HABP2: variants seen among roughly 807,000 people sequenced by gnomAD.
HABP2 encodes the protein hyaluronan binding protein 2.
A neutral mutation model predicts 66.5 loss-of-function variants in HABP2; 65 were observed. The observed-to-expected ratio is 0.98, with a 90% confidence interval of 0.80 to 1.20. HABP2 has a LOEUF of 1.20. HABP2 is among the 50% of genes most tolerant of loss of function. The pLI, the probability that HABP2 is intolerant of heterozygous loss-of-function variation, is 0.00. For missense variants in HABP2, 786 were observed against 691.0 expected, an observed-to-expected ratio of 1.14 and a Z score of -1.54; for synonymous variants, 263 against 253.9, an observed-to-expected ratio of 1.04 and a Z score of -0.34.
Position 113,553,076 on chromosome 10 carries a change from A to G in HABP2, c.-46A>G. 1 of 1,487,210 alleles carries G rather than the reference A, an allele frequency of 6.7e-7. No individual in the cohort carries two copies. Among genetic ancestry groups the G allele is most frequent in the Non-Finnish European group, 9.4e-7 (1 of 1,064,606 alleles). The allele number at this position is 1,487,210 out of a possible 1,614,324, so 92.1% of individuals were successfully genotyped here. On this transcript the variant is annotated 5_prime_UTR_variant, in exon 1 of 13. Coordinates refer to ENST00000351270, the MANE Select transcript of HABP2 (RefSeq NM_004132.5). ...TTCCCCCCTAAAGGCATAGACAACA[A>G]AAGAAATTTTATTGAGAGGAAAACA...
chr10:113,583,377 G>C lies in HABP2; in HGVS notation c.1237+19G>C, dbSNP rs1475991705. On this transcript the variant is annotated intron_variant, in intron 10 of 12. Coordinates refer to ENST00000351270, the MANE Select transcript of HABP2 (RefSeq NM_004132.5). The stretch of plus-strand genomic sequence containing the variant: ...GATATTGGCAAGTTCCTCTTTCATG[G>C]CTTTCCTGAGGGTCTTGTCCTGGGT... 1.2e-6 allele frequency: 2 copies of C among 1,609,014 alleles called. No homozygotes were observed. Among genetic ancestry groups the C allele is most frequent in the African/African-American group, 1.3e-5 (1 of 74,850 alleles).
At chr10:113,550,956 G>C (rs1028977047), upstream of HABP2, 4 of 152,332 alleles carry the variant, frequency 2.6e-5, no homozygotes, top group African/African-American at 9.7e-5. Context: ...TCACAGCAGA[G>C]CTTCTGTAAG....
chr10:113,578,853 A>G lies in HABP2; in HGVS notation c.740+55A>G, dbSNP rs117105950. The G allele has an allele frequency of 6.2e-3, 7,293 of 1,184,464 alleles. 43 individuals are homozygous for G. The highest frequency in any genetic ancestry group is 8.0e-3 in the Non-Finnish European group (6,387 of 797,442). 73.4% of individuals were successfully genotyped at this position (1,184,464 alleles called of 1,614,324 possible). On this transcript the variant is annotated intron_variant, in intron 7 of 12. Transcript: ENST00000351270. ...ATTTTGGTCACTTATTTTAAAACAGATCATTGAAATTCATCAGCCTCCTTT... is the reference window on the plus strand; with the variant it reads ...ATTTTGGTCACTTATTTTAAAACAGGTCATTGAAATTCATCAGCCTCCTTT...
chr10:113,555,401 G>A (rs1844973657), intron 1 of HABP2, among the ~76,000 whole-genome samples: 5 of 152,134 alleles, frequency 3.3e-5, no homozygotes, highest in Admixed American at 2.0e-4. Context: ...TTTTCCTGTA[G>A]GGAAAGGCCT....
At chr10:113,583,168 A>G in intron 9 of HABP2, 48 bp from the exon 10 acceptor site, 1 of 1,592,638 alleles carries the variant, frequency 6.3e-7, no homozygotes, top group Non-Finnish European at 8.6e-7. Context: ...AAGGCCACAC[A>G]GCTGAGCAGA....
At chr10:113,577,911 A>G in intron 5 of HABP2, 115 bp from the exon 6 acceptor site, 1 of 1,214,414 alleles carries the variant, frequency 8.2e-7, no homozygotes. Flanking sequence ...CTGGTGACCC[A>G]TCTTTCGCGA....
Position 113,588,439 on chromosome 10 carries a change from A to G in HABP2, c.*70A>G. On this transcript the variant is annotated 3_prime_UTR_variant, in exon 13 of 13. Coordinates refer to ENST00000351270, the MANE Select transcript of HABP2 (RefSeq NM_004132.5). ...GACACCGGGAGGCCTCATGGCCAAC[A>G]ATGGACACCTCCAGAGCCTCCAGGG... 8 of 1,214,754 alleles carry G rather than the reference A, an allele frequency of 6.6e-6. No homozygotes were observed. The highest frequency in any genetic ancestry group is 5.9e-6 in the Non-Finnish European group (5 of 853,076). The allele number at this position is 1,214,754 out of a possible 1,614,324, so 75.2% of individuals were successfully genotyped here.
chr10:113,568,582 G>A (rs1045553445), intron 2 of HABP2, among the ~76,000 whole-genome samples: 4 of 152,176 alleles, frequency 2.6e-5, no homozygotes, highest in Admixed American at 6.5e-5. Flanking sequence ...TCCCCAACAC[G>A]AAGGATATTC....
intron 2 of HABP2, among the ~76,000 whole-genome samples, chr10:113,567,884 C>T (rs1008986996): frequency 6.6e-6 from 1 of 152,202 alleles, no homozygotes; most frequent in African/African-American, 2.4e-5. Context: ...AAAGTGAGGG[C>T]GAGATGAAAA....
rs1845542577 is a variant in HABP2, at chr10:113,581,961, G to C, written c.924G>C (p.Glu308Asp). ...FDSCGKTEIA[E>D]RKIKRIYGGF... ...CCTGTGGAAAGACTGAGATAGCAGA[G>C]AGGAAGATCAAGAGAATCTATGGAG... The change falls in exon 9 of 13, where the codon GAG becomes GAC. Residue 308 changes from glutamate (E) to aspartate (D), a missense_variant. Physicochemically the swap from Glu to Asp is conservative, Grantham distance 45. Coordinates refer to ENST00000351270, the MANE Select transcript of HABP2 (RefSeq NM_004132.5). The C allele has an allele frequency of 6.2e-7, 1 of 1,614,106 alleles. No homozygotes were observed. Among genetic ancestry groups the C allele is most frequent in the Non-Finnish European group, 8.5e-7 (1 of 1,180,028 alleles).
intron 1 of HABP2, among the ~76,000 whole-genome samples, chr10:113,566,764 T>C (rs1845204789): frequency 6.6e-6 from 1 of 152,120 alleles, no homozygotes; most frequent in Non-Finnish European, 1.5e-5. Context: ...GCGAAGGTCA[T>C]AGAGGGGGGC....
intron 5 of HABP2, among the ~76,000 whole-genome samples, chr10:113,577,811 C>T (rs1845440012): frequency 6.6e-6 from 1 of 152,214 alleles, no homozygotes; most frequent in South Asian, 2.1e-4. Context: ...TAGGCATGGC[C>T]TCCAGCCAGA....
chr10:113,565,671 A>G (rs1047151330), intron 1 of HABP2, among the ~76,000 whole-genome samples: 1 of 152,218 alleles, frequency 6.6e-6, no homozygotes, highest in Admixed American at 6.5e-5. Flanking sequence ...GGAGAGGACA[A>G]ATATCCAAGT....
rs775684469 is a variant in HABP2, at chr10:113,589,389, G to A, written c.*1020G>A. ...AACGAGCAAGCAGTCAGCACAGCCTGGGCTGCCCTGGCCCGGGATTGATGT... is the reference window on the plus strand; with the variant it reads ...AACGAGCAAGCAGTCAGCACAGCCTAGGCTGCCCTGGCCCGGGATTGATGT... On this transcript the variant is annotated 3_prime_UTR_variant, in exon 13 of 13. Coordinates refer to ENST00000351270, the MANE Select transcript of HABP2 (RefSeq NM_004132.5). 1.7e-6 allele frequency: 1 copy of A among 573,036 alleles called. No homozygotes were observed. Among genetic ancestry groups the A allele is most frequent in the South Asian group, 2.3e-5 (1 of 44,136 alleles). 35.5% of individuals were successfully genotyped at this position (573,036 alleles called of 1,614,324 possible).
chr10:113,588,378 C>A lies in HABP2; in HGVS notation c.*9C>A, dbSNP rs376611776. ...GTGAAAGTGGCTTCTAAGGTACTGT[C>A]TTCTGGACCTCAGAGCCCACTCTCC... On this transcript the variant is annotated 3_prime_UTR_variant, in exon 13 of 13. Transcript: ENST00000351270. The A allele has an allele frequency of 1.2e-4, 187 of 1,603,166 alleles. 1 individual carries two copies. The African/African-American group carries it at 2.2e-3, about 19-fold the overall frequency.
In HABP2 at chr10:113,583,264, G is replaced by A. The variant is rs1845573567; in HGVS notation, c.1143G>A (p.Lys381=). Residue 381 remains lysine, a synonymous_variant, in exon 10 of 13, where the codon AAG becomes AAA. Transcript: ENST00000351270. ...TGGTGCTAGGGGACCAGGACCTGAA[G>A]AAAGAAGAATTTCATGAGCAGAGCT... ...LKVVLGDQDL[K]KEEFHEQSFR... 6.2e-7 allele frequency: 1 copy of A among 1,613,246 alleles called. No individual in the cohort carries two copies. Among genetic ancestry groups the A allele is most frequent in the East Asian group, 2.2e-5 (1 of 44,880 alleles).
rs1845744600 is a variant in HABP2, at chr10:113,588,885, T to C, written c.*516T>C. The stretch of plus-strand genomic sequence containing the variant: ...AGATCTGGGATGGGCTGGTGGGCCA[T>C]TCCAGCTTGCCGAAATCAAAGCCAT... On this transcript the variant is annotated 3_prime_UTR_variant, in exon 13 of 13. Coordinates refer to ENST00000351270, the MANE Select transcript of HABP2 (RefSeq NM_004132.5). 2.1e-6 allele frequency: 2 copies of C among 951,862 alleles called. No homozygotes were observed. Among genetic ancestry groups the C allele is most frequent in the African/African-American group, 3.2e-5 (2 of 61,932 alleles). 59.0% of individuals were successfully genotyped at this position (951,862 alleles called of 1,614,324 possible). A position where few individuals can be genotyped will look rare whatever the true frequency, so the allele number is the denominator to read the frequency against.
rs2133780571 is a variant in HABP2, at chr10:113,582,107, T to G, written c.1070T>G (p.Val357Gly). Residue 357 changes from valine (V) to glycine (G), a missense_variant, in exon 9 of 13, where the codon GTG becomes GGG. Coordinates refer to ENST00000351270, the MANE Select transcript of HABP2 (RefSeq NM_004132.5). ...CGGALIHPCW[V>G]LTAAHCTDIK... ...GGGGCGCTGATCCACCCCTGCTGGG[T>G]GCTCACTGCTGCCCACTGCACCGAG... The G allele has an allele frequency of 2.5e-6, 4 of 1,608,352 alleles. No homozygotes were observed. The highest frequency in any genetic ancestry group is 1.7e-4 in the Middle Eastern group (1 of 6,048).
chr10:113,567,660 G>A (rs1845225376), intron 2 of HABP2, 135 bp downstream of exon 2: 5 of 699,998 alleles, frequency 7.1e-6, no homozygotes, highest in Non-Finnish European at 1.3e-5. Context: ...AGGCACCTTT[G>A]AGAACTTGCC....
Sources: gnomAD v4.1 joint callset for allele counts (sites outside exome capture counted in the v4.1 genomes callset) on GRCh38, gnomAD v4.1.1 for gene constraint, MANE v1.5 for transcripts, NCBI Gene and HGNC (gene_info 2026-07-23, HGNC 2026-07-21) for gene names.